Variants in CPNE5 observed in about 807,000 individuals in gnomAD.
The protein encoded by CPNE5 is copine 5.
In CPNE5, 42 loss-of-function variants were observed where a neutral mutation model predicts 81.1. That is an observed-to-expected ratio of 0.52 (90% CI 0.40 to 0.67). CPNE5 has a LOEUF of 0.67. CPNE5 is among the 30% of genes least tolerant of loss of function. The pLI, the probability that CPNE5 is intolerant of heterozygous loss-of-function variation, is 0.00. For missense variants in CPNE5, 612 were observed against 815.5 expected (o/e 0.75, Z 3.04); for synonymous variants, 313 against 321.5 (o/e 0.97, Z 0.28).
At chr6:36,823,600 G>A (rs1772248851) in intron 1 of CPNE5, among the ~76,000 whole-genome samples, 3 of 152,118 alleles carry the variant, frequency 2.0e-5, no homozygotes, top group Non-Finnish European at 4.4e-5. Flanking sequence ...AGGGGAAGCC[G>A]ACTCATTTGG....
chr6:36,780,524 T>C (rs972497595), intron 8 of CPNE5, among the ~76,000 whole-genome samples: 1 of 152,208 alleles, frequency 6.6e-6, no homozygotes, highest in African/African-American at 2.4e-5. Context: ...ACTTATAAAA[T>C]GGAGGTAATG....
intron 16 of CPNE5, 91 bp from the exon 17 acceptor site, chr6:36,745,606 A>T: frequency 4.5e-6 from 6 of 1,340,844 alleles, no homozygotes; most frequent in Admixed American, 4.6e-5. Flanking sequence ...GGAGGCCAGC[A>T]GGCCTGGGCT....
At position 36,753,108 on chromosome 6, in the gene CPNE5, A is replaced by C; in HGVS notation, c.910-13T>G. 3.7e-6 allele frequency: 6 copies of C among 1,611,494 alleles called. No individual in the cohort carries two copies. The highest frequency in any genetic ancestry group is 5.1e-6 in the Non-Finnish European group (6 of 1,177,934). Reference sequence around the variant, plus strand: ...AAAGCAGGGTGACCTTCAAAACAAAAGGGAGCTTGGTCAGTGGGGAGCCTG... The same window carrying C: ...AAAGCAGGGTGACCTTCAAAACAAACGGGAGCTTGGTCAGTGGGGAGCCTG... On this transcript the variant is annotated splice_polypyrimidine_tract_variant and intron_variant, in intron 13 of 20. Coordinates refer to ENST00000244751, the MANE Select transcript of CPNE5 (RefSeq NM_020939.2).
chr6:36,790,789 C>T (rs964769649), intron 8 of CPNE5, among the ~76,000 whole-genome samples: 3 of 152,064 alleles, frequency 2.0e-5, no homozygotes, highest in East Asian at 1.9e-4. Flanking sequence ...GTGATCCGCC[C>T]GCCTCGGCCT....
intron 13 of CPNE5, chr6:36,755,826 C>A: frequency 5.1e-6 from 1 of 194,440 alleles, no homozygotes; most frequent in Non-Finnish European, 1.1e-5. Flanking sequence ...AGCTGTGTGA[C>A]CTTGGCTGAG....
chr6:36,823,137 C>A, intron 1 of CPNE5, 39 bp from the exon 2 acceptor site: 4 of 1,502,344 alleles, frequency 2.7e-6, no homozygotes, highest in Non-Finnish European at 3.6e-6. Context: ...GCACGGCCAG[C>A]TGAGAGGAGG....
At chr6:36,748,854 G>C (rs1347473092) in intron 14 of CPNE5, among the ~76,000 whole-genome samples, 1 of 152,096 alleles carries the variant, frequency 6.6e-6, no homozygotes, top group Non-Finnish European at 1.5e-5. Context: ...CCAGTCTTTG[G>C]GAAACTCTGT....
At chr6:36,828,852 C>T (rs1406177041) in intron 1 of CPNE5, among the ~76,000 whole-genome samples, 1 of 152,238 alleles carries the variant, frequency 6.6e-6, no homozygotes, top group East Asian at 1.9e-4. Context: ...CAACACCCAA[C>T]TCTGTCCCTT....
At chr6:36,748,773 G>C (rs551836954) in intron 14 of CPNE5, among the ~76,000 whole-genome samples, 1 of 152,296 alleles carries the variant, frequency 6.6e-6, no homozygotes, top group African/African-American at 2.4e-5. Flanking sequence ...GAGCTGTCTA[G>C]TTAGTTACAG....
At chr6:36,808,254 C>T (rs1770777906) in intron 3 of CPNE5, among the ~76,000 whole-genome samples, 1 of 152,056 alleles carries the variant, frequency 6.6e-6, no homozygotes, top group Non-Finnish European at 1.5e-5. Context: ...CCACGCCTGG[C>T]TAAGTTTTGT....
chr6:36,750,230 G>A (rs1582715252), intron 14 of CPNE5, among the ~76,000 whole-genome samples: 2 of 152,196 alleles, frequency 1.3e-5, no homozygotes, highest in Non-Finnish European at 2.9e-5. Context: ...TTAGCAGAAG[G>A]TGCCTATCAG....
chr6:36,803,570 C>T (rs1242019634), intron 3 of CPNE5, among the ~76,000 whole-genome samples: 1 of 152,110 alleles, frequency 6.6e-6, no homozygotes, highest in African/African-American at 2.4e-5. Context: ...GCACCAGGAG[C>T]GGTTTTAAAC....
chr6:36,831,168 C>G (rs1404300300), intron 1 of CPNE5, among the ~76,000 whole-genome samples: 1 of 151,978 alleles, frequency 6.6e-6, no homozygotes, highest in Non-Finnish European at 1.5e-5. Flanking sequence ...TATTCTCCTG[C>G]CTCAGCCTCC....
chr6:36,757,961 C>T (rs1765646574), intron 12 of CPNE5, among the ~76,000 whole-genome samples: 1 of 152,092 alleles, frequency 6.6e-6, no homozygotes, highest in Non-Finnish European at 1.5e-5. Context: ...TGAATGTCAC[C>T]CAGCGGCCTG....
chr6:36,765,183 C>G (rs1766442576), intron 11 of CPNE5, 152 bp downstream of exon 11: 1 of 715,914 alleles, frequency 1.4e-6, no homozygotes, highest in East Asian at 2.7e-5. Context: ...AGGACCCCTC[C>G]CCCACCCTCC....
rs1297467714 is a variant in CPNE5 at position 36,799,989 on chromosome 6, T to C, written c.265A>G (p.Lys89Glu). The C allele has an allele frequency of 6.2e-7, 1 of 1,613,812 alleles. No homozygotes were observed. The highest frequency in any genetic ancestry group is 1.7e-5 in the Admixed American group (1 of 60,020). The change falls in exon 4 of 21, where the codon AAG (lysine) becomes GAG (glutamate). Residue 89 changes from lysine to glutamate, a missense_variant. Coordinates refer to ENST00000244751, the MANE Select transcript of CPNE5 (RefSeq NM_020939.2). ...TACAGATCAAAACGGAGGTTCTGCT[T>C]CTCCTCGAAAAAGTAATCCACAATG... ...KFIVDYFFEEKQNLRFDLYDV... is the reference protein window; with the variant it reads ...KFIVDYFFEEEQNLRFDLYDV...
intron 8 of CPNE5, among the ~76,000 whole-genome samples, chr6:36,784,966 A>G (rs1768397233): frequency 6.6e-6 from 1 of 152,072 alleles, no homozygotes; most frequent in Non-Finnish European, 1.5e-5. Context: ...AAAAAAAGAA[A>G]AGAAATGCCA....
At chr6:36,813,258 T>G (rs913067365) in intron 3 of CPNE5, among the ~76,000 whole-genome samples, 2 of 152,192 alleles carry the variant, frequency 1.3e-5, no homozygotes, top group Non-Finnish European at 2.9e-5. Flanking sequence ...AGGCCAGGTG[T>G]GGTGGCCCAC....
Position 36,839,239 on chromosome 6 carries a change from C to T in CPNE5, c.95+44G>A, listed in dbSNP as rs904215529. 8.6e-6 allele frequency: 12 copies of T among 1,389,536 alleles called. No homozygotes were observed. The highest frequency in any genetic ancestry group is 1.2e-5 in the Non-Finnish European group (12 of 1,026,490). 86.1% of individuals were successfully genotyped at this position (1,389,536 alleles called of 1,614,324 possible). ...AAGCGGCAGGGGCCGCGGGGCTCTG[C>T]GTCCAGGGCCGGGGCAAGGGGACCC... is the stretch of plus-strand genomic sequence containing the variant. On this transcript the variant is annotated intron_variant, in intron 1 of 20. Transcript: ENST00000244751. This position sits in a 1 kb window ranked among gnomAD's most constrained non-coding sequence, Gnocchi z 7.3.
Sources: gnomAD v4.1 joint callset for allele counts (sites outside exome capture counted in the v4.1 genomes callset) on GRCh38, gnomAD v4.1.1 for gene constraint, Gnocchi (gnomAD v3.1) non-coding constraint, MANE v1.5 for transcripts, NCBI Gene and HGNC (gene_info 2026-07-23, HGNC 2026-07-21) for gene names.